The following PLXNA4 variants were observed in gnomAD, a reference collection of about 807,000 sequenced individuals.
PLXNA4 encodes the protein plexin-A4.
A neutral mutation model predicts 191.8 loss-of-function variants in PLXNA4; 44 were observed. That is an observed-to-expected ratio of 0.23 (90% confidence interval 0.18 to 0.29). The LOEUF (loss-of-function observed/expected upper bound fraction) is 0.29. PLXNA4 is among the 10% of genes least tolerant of loss of function. The pLI is 1.00. For synonymous variants in PLXNA4, 1,082 were observed against 1,009.5 expected (o/e 1.07, Z -1.36); for missense variants, 1,800 against 2,488.8 (o/e 0.72, Z 5.89).
chr7:132,175,556 A>T (rs751715005), intron 20 of PLXNA4, among the ~76,000 whole-genome samples: 3 of 152,192 alleles, frequency 2.0e-5, no homozygotes, highest in Admixed American at 6.5e-5. Flanking sequence ...CTTGATGGTG[A>T]ATTATGACCT....
chr7:132,602,467 G>A (rs1171339719), intron 2 of PLXNA4, among the ~76,000 whole-genome samples: 1 of 152,012 alleles, frequency 6.6e-6, no homozygotes, highest in African/African-American at 2.4e-5. Context: ...GTTGTTATGG[G>A]GAGTTTCTCA....
rs143225454 is a variant in PLXNA4 at position 132,302,340 on chromosome 7, C to T, written c.1372-4118G>A. ...CCTCTGCAGGGGCTGACAGTTGCCA[C>T]GTGGCAAATAGCCCTGGGACCATGA... On this transcript the variant is annotated intron_variant, in intron 3 of 31. Transcript: ENST00000321063. Among the ~76,000 whole-genome samples, 715 of 152,232 alleles carry T rather than the reference C, an allele frequency of 4.7e-3. 8 individuals carry two copies. The highest frequency in any genetic ancestry group is 0.016 in the African/African-American group (677 of 41,540).
intron 3 of PLXNA4, among the ~76,000 whole-genome samples, chr7:132,445,400 C>T (rs277465): frequency 0.021 from 3,243 of 151,638 alleles, 104 homozygotes; most frequent in African/African-American, 0.075. Flanking sequence ...AGCGCCCCTG[C>T]CTTGGCATCC....
intron 3 of PLXNA4, among the ~76,000 whole-genome samples, chr7:132,469,029 G>A (rs1170241733): frequency 6.9e-6 from 1 of 145,092 alleles, no homozygotes; most frequent in Non-Finnish European, 1.5e-5. Context: ...CCTCTCCAGA[G>A]CCTCAGTCTC....
chr7:132,160,935 AC>A (rs11286798), intron 24 of PLXNA4, among the ~76,000 whole-genome samples: 86,323 of 151,840 alleles, frequency 0.57, 29,552 homozygotes, highest in East Asian at 0.8. Flanking sequence ...AGAAAAAAAA[AC>A]CCCTGAAATC....
intron 9 of PLXNA4, among the ~76,000 whole-genome samples, chr7:132,219,808 A>G (rs532349638): frequency 1.3e-5 from 2 of 152,282 alleles, no homozygotes; most frequent in East Asian, 3.9e-4. Flanking sequence ...TGCTTTTTCT[A>G]TGTTCAGATG....
At chr7:132,594,399 C>T (rs1488314631) in intron 2 of PLXNA4, among the ~76,000 whole-genome samples, 3 of 152,238 alleles carry the variant, frequency 2.0e-5, no homozygotes, top group Non-Finnish European at 4.4e-5. Flanking sequence ...TGATCTCAGA[C>T]TTCCAGCCTC....
At chr7:132,149,974 A>C (rs928850633) in intron 25 of PLXNA4, among the ~76,000 whole-genome samples, 4 of 152,134 alleles carry the variant, frequency 2.6e-5, no homozygotes, top group Admixed American at 2.6e-4. Flanking sequence ...ATGCTCCTAA[A>C]ATCTAAGCCC....
At chr7:132,525,486 C>T (rs1461986776) in intron 1 of PLXNA4, among the ~76,000 whole-genome samples, 1 of 152,154 alleles carries the variant, frequency 6.6e-6, no homozygotes, top group Non-Finnish European at 1.5e-5. Flanking sequence ...TGGACTCCAA[C>T]AATCCTCCCA....
At chr7:132,185,263 G>A (rs370654152) in intron 16 of PLXNA4, 36 bp downstream of exon 16, 5 of 1,582,172 alleles carry the variant, frequency 3.2e-6, no homozygotes, top group Non-Finnish European at 2.6e-6. Context: ...AAACAGAGGT[G>A]CAGAAGCATT....
chr7:132,631,648 C>T (rs984646682), intron 2 of PLXNA4, among the ~76,000 whole-genome samples: 1 of 152,138 alleles, frequency 6.6e-6, no homozygotes, highest in Admixed American at 6.6e-5. Flanking sequence ...CTGAATGAGC[C>T]TTTCACTGAA....
At chr7:132,228,519 G>A in intron 5 of PLXNA4, 50 bp from the exon 6 acceptor site, 1 of 1,606,934 alleles carries the variant, frequency 6.2e-7, no homozygotes, top group Non-Finnish European at 8.5e-7. Context: ...GCTTGGTCCA[G>A]GGAGGGGCGG....
At chr7:132,629,064 G>A (rs1563198798) in intron 2 of PLXNA4, among the ~76,000 whole-genome samples, 1 of 152,170 alleles carries the variant, frequency 6.6e-6, no homozygotes, top group Non-Finnish European at 1.5e-5. Context: ...TGATTGATCA[G>A]GTATGCCCAG....
At chr7:132,187,694 C>G (rs1381570551) in intron 14 of PLXNA4, 87 bp from the exon 15 acceptor site, 1 of 1,480,956 alleles carries the variant, frequency 6.8e-7, no homozygotes, top group African/African-American at 1.4e-5. Flanking sequence ...CCCACTCCCC[C>G]AAGCTGCCTT....
intron 1 of PLXNA4, among the ~76,000 whole-genome samples, chr7:132,540,603 C>T (rs1288270591): frequency 3.1e-5 from 1 of 32,070 alleles, no homozygotes; most frequent in Admixed American, 4.9e-4. Flanking sequence ...TTTTTTGAGA[C>T]GGAGTCTTGC....
At chr7:132,145,915 C>CAAAAA (rs397778925) in intron 28 of PLXNA4, among the ~76,000 whole-genome samples, 1 of 92,400 alleles carries the variant, frequency 1.1e-5, no homozygotes, top group Non-Finnish European at 2.1e-5. Context: ...ACTAAAAATA[C>CAAAAA]AAAAAAAAAA....
intron 2 of PLXNA4, among the ~76,000 whole-genome samples, chr7:132,625,495 G>A (rs541481772): frequency 6.6e-6 from 1 of 152,264 alleles, no homozygotes; most frequent in Admixed American, 6.5e-5. Context: ...CATAGATCCT[G>A]TAGAGCATTG....
At chr7:132,200,153 G>T (rs897192839) in intron 12 of PLXNA4, among the ~76,000 whole-genome samples, 2 of 152,172 alleles carry the variant, frequency 1.3e-5, no homozygotes, top group Non-Finnish European at 2.9e-5. Flanking sequence ...TTCCCCTAGG[G>T]CCAACACCAG....
At chr7:132,150,551 T>G (rs1464944071) in intron 25 of PLXNA4, among the ~76,000 whole-genome samples, 1 of 152,190 alleles carries the variant, frequency 6.6e-6, no homozygotes, top group Non-Finnish European at 1.5e-5. Context: ...TCTGCTTTCC[T>G]CATATTTAGG....
Sources: allele counts gnomAD v4.1 joint callset (sites outside exome capture counted in the v4.1 genomes callset), GRCh38; gene constraint gnomAD v4.1.1; transcripts MANE v1.5; gene names NCBI Gene and HGNC (gene_info 2026-07-23, HGNC 2026-07-21).